The following ECHDC2 variants were observed in gnomAD, a reference collection of about 807,000 sequenced individuals.
The protein encoded by ECHDC2 is enoyl-CoA hydratase domain-containing protein 2, mitochondrial.
Under a neutral mutation model 40.6 loss-of-function variants are expected in ECHDC2, and 34 were observed. That is an observed-to-expected ratio of 0.84 (90% CI 0.64 to 1.11). ECHDC2 has a LOEUF of 1.11. Ranked by LOEUF, ECHDC2 falls within the 50% of genes most tolerant of loss-of-function variation. ECHDC2 has a pLI of 0.00. For synonymous variants in ECHDC2, 162 were observed against 166.6 expected (o/e 0.97, Z 0.21); for missense variants, 392 against 400.7 (o/e 0.98, Z 0.19).
At chr1:52,902,933 C>T (rs1276815926) in intron 7 of ECHDC2, among the ~76,000 whole-genome samples, 1 of 152,146 alleles carries the variant, frequency 6.6e-6, no homozygotes, top group Non-Finnish European at 1.5e-5. Context: ...TGAGATACTA[C>T]ATTAAGGTAC....
intron 3 of ECHDC2, among the ~76,000 whole-genome samples, chr1:52,910,980 G>A (rs1024183189): frequency 2.6e-5 from 4 of 152,158 alleles, no homozygotes; most frequent in Non-Finnish European, 5.9e-5. Flanking sequence ...CCTTCTGTGA[G>A]AGATGCGGAA....
intron 7 of ECHDC2, 163 bp from the exon 8 acceptor site, chr1:52,899,387 G>A: frequency 1.5e-6 from 1 of 645,790 alleles, no homozygotes; most frequent in Non-Finnish European, 2.7e-6. Context: ...CCTGTTAGCT[G>A]AGGTTCTTTT....
chr1:52,914,016 G>T lies in ECHDC2; in HGVS notation c.122-2226C>A. ...CACTCATTTGTACATTTATATATTT[G>T]CTGTGTGCTGGCCTCTACTAGACAC... On this transcript the variant is annotated intron_variant, in intron 1 of 9. Coordinates refer to ENST00000371522, the MANE Select transcript of ECHDC2 (RefSeq NM_001198961.2). The surrounding 1 kb of genome is among the most constrained non-coding windows in gnomAD (Gnocchi z 4.0). 1 of 1,219,848 alleles carries T rather than the reference G, an allele frequency of 8.2e-7. No individual in the cohort carries two copies. Among genetic ancestry groups the T allele is most frequent in the Non-Finnish European group, 1.1e-6 (1 of 947,658 alleles). The allele number at this position is 1,219,848 out of a possible 1,614,324, so 75.6% of individuals were successfully genotyped here. A position where few individuals can be genotyped will look rare whatever the true frequency, so the allele number is the denominator to read the frequency against.
chr1:52,897,106 C>G (rs1473346572), intron 9 of ECHDC2: 1 of 428,574 alleles, frequency 2.3e-6, no homozygotes, highest in Non-Finnish European at 4.3e-6. Flanking sequence ...CAACCAAGCC[C>G]TTGACCTCCC....
intron 1 of ECHDC2, among the ~76,000 whole-genome samples, chr1:52,919,542 T>C (rs1651440623): frequency 6.6e-6 from 1 of 152,190 alleles, no homozygotes; most frequent in Non-Finnish European, 1.5e-5. Context: ...CACCTAATGA[T>C]GCATTTCTCA....
At chr1:52,911,196 T>G (rs1649396682) in intron 3 of ECHDC2, among the ~76,000 whole-genome samples, 1 of 151,988 alleles carries the variant, frequency 6.6e-6, no homozygotes, top group Non-Finnish European at 1.5e-5. Flanking sequence ...CAGGCTGGTC[T>G]CGAACTCGGG....
intron 3 of ECHDC2, among the ~76,000 whole-genome samples, chr1:52,910,244 C>T (rs897371721): frequency 6.1e-5 from 9 of 148,354 alleles, no homozygotes; most frequent in Non-Finnish European, 8.9e-5. Flanking sequence ...GAATGGATAG[C>T]GGTGACATTG....
At chr1:52,912,180 T>A in intron 1 of ECHDC2, 3 of 449,842 alleles carry the variant, frequency 6.7e-6, no homozygotes, top group Non-Finnish European at 9.2e-6. Flanking sequence ...TCTTTTTTTT[T>A]TTTATTTTTG....
intron 4 of ECHDC2, among the ~76,000 whole-genome samples, 181 bp from the exon 5 acceptor site, chr1:52,906,792 T>G (rs1571948510): frequency 1.4e-5 from 2 of 138,174 alleles, no homozygotes; most frequent in African/African-American, 5.4e-5. Context: ...TGAGACGGAG[T>G]CTTGTTCTGT....
chr1:52,905,171 C>G, intron 5 of ECHDC2, 81 bp from the exon 6 acceptor site: 1 of 1,491,426 alleles, frequency 6.7e-7, no homozygotes, highest in Non-Finnish European at 9.2e-7. Context: ...GCTGCCTCTG[C>G]TGTCTACTCG....
chr1:52,898,191 TGAA>T (rs1391227860), intron 8 of ECHDC2: 1 of 152,604 alleles, frequency 6.6e-6, no homozygotes, highest in African/African-American at 2.4e-5. Flanking sequence ...GTGATTAGCG[TGAA>T]GGAGAAACTG....
At chr1:52,921,347 G>A in intron 1 of ECHDC2, 1 of 1,261,772 alleles carries the variant, frequency 7.9e-7, no homozygotes. Context: ...GAGGTTGCCA[G>A]AGGCCCCCCG....
At chr1:52,919,773 T>G (rs1651484401) in intron 1 of ECHDC2, among the ~76,000 whole-genome samples, 1 of 152,236 alleles carries the variant, frequency 6.6e-6, no homozygotes, top group African/African-American at 2.4e-5. Context: ...GTGTGTGATC[T>G]CATCCCCATG....
At chr1:52,905,941 G>C (rs560174710) in intron 5 of ECHDC2, 36 of 229,516 alleles carry the variant, frequency 1.6e-4, no homozygotes, top group South Asian at 1.1e-3. Context: ...GAGAGCGGTG[G>C]GGGGAGAAGG....
chr1:52,921,575 G>A lies in ECHDC2; in HGVS notation c.99C>T (p.Arg33=). The A allele has an allele frequency of 6.2e-7, 1 of 1,609,484 alleles. No homozygotes were observed. ...TACCTTGGTCCGGACCCGCCAGGGCGCGCACTTGGATCTCTGAGCCCCCGG... is the reference window on the plus strand; with the variant it reads ...TACCTTGGTCCGGACCCGCCAGGGCACGCACTTGGATCTCTGAGCCCCCGG... ...GAAGGSEIQV[R]ALAGPDQGIT... is the part of the protein sequence containing the mutation. The change falls in exon 1 of 10, where the codon CGC becomes CGT. Residue 33 remains arginine, a synonymous_variant. Coordinates refer to ENST00000371522, the MANE Select transcript of ECHDC2 (RefSeq NM_001198961.2).
chr1:52,907,106 T>A (rs1648118643), intron 4 of ECHDC2: 1 of 149,964 alleles, frequency 6.7e-6, no homozygotes, highest in Admixed American at 6.6e-5. Flanking sequence ...TTTCTTTTTT[T>A]TTTTTTTTGA....
At chr1:52,898,911 T>C in intron 8 of ECHDC2, 1 of 543,628 alleles carries the variant, frequency 1.8e-6, no homozygotes, top group Non-Finnish European at 3.3e-6. Flanking sequence ...CTCTGAGACC[T>C]TGGGCAAATC....
intron 3 of ECHDC2, among the ~76,000 whole-genome samples, chr1:52,911,223 C>T (rs1159425741): frequency 3.3e-5 from 5 of 152,086 alleles, no homozygotes; most frequent in African/African-American, 7.2e-5. Context: ...GTGATCTACC[C>T]GCCCCAGCCT....
chr1:52,903,600 T>G (rs1034747975), intron 7 of ECHDC2, among the ~76,000 whole-genome samples: 11 of 151,536 alleles, frequency 7.3e-5, no homozygotes, highest in Admixed American at 6.6e-4. Flanking sequence ...CTACCACATC[T>G]GGCTAAAACA....
Sources: allele counts gnomAD v4.1 joint callset (sites outside exome capture counted in the v4.1 genomes callset), GRCh38; gene constraint gnomAD v4.1.1; non-coding constraint Gnocchi (gnomAD v3.1); transcripts MANE v1.5; gene names NCBI Gene and HGNC (gene_info 2026-07-23, HGNC 2026-07-21).